STK32B: variants seen among roughly 807,000 people sequenced by gnomAD.
STK32B encodes the protein serine/threonine kinase 32B, also known as serine/threonine-protein kinase 32B.
Under a neutral mutation model 52.6 loss-of-function variants are expected in STK32B, and 43 were observed. The ratio of observed to expected loss-of-function variants is 0.82; its 90% CI spans 0.64 to 1.05. The LOEUF (loss-of-function observed/expected upper bound fraction) is 1.05, where lower values mean the gene tolerates loss of function less well. Ranked by LOEUF, STK32B falls within the 50% of genes least tolerant of loss-of-function variation. The probability of loss-of-function intolerance (pLI) is 0.00; values close to 1 mark genes in which losing one functional copy is unlikely to be tolerated. For missense variants in STK32B, 621 were observed against 534.6 expected (o/e 1.16, Z -1.59); for synonymous variants, 238 against 204.3 (o/e 1.17, Z -1.41).
At chr4:5,130,168 C>T (rs889460379) in intron 1 of STK32B, among the ~76,000 whole-genome samples, 37 of 143,774 alleles carry the variant, frequency 2.6e-4, no homozygotes, top group African/African-American at 8.2e-4. Context: ...TCACCTTCTC[C>T]GGCGGGGGGA....
At chr4:5,385,559 C>G (rs1200985895) in intron 4 of STK32B, among the ~76,000 whole-genome samples, 5 of 151,948 alleles carry the variant, frequency 3.3e-5, no homozygotes, top group African/African-American at 1.2e-4. Context: ...CATGCTCCGG[C>G]AAGATTACTA....
chr4:5,287,126 G>A (rs376337925), intron 3 of STK32B, among the ~76,000 whole-genome samples: 38 of 152,136 alleles, frequency 2.5e-4, no homozygotes, highest in African/African-American at 8.9e-4. Flanking sequence ...TATATTCTAA[G>A]GAGTGAAATT....
At chr4:5,471,156 T>A (rs1213956137) in intron 11 of STK32B, among the ~76,000 whole-genome samples, 1 of 152,222 alleles carries the variant, frequency 6.6e-6, no homozygotes, top group Non-Finnish European at 1.5e-5. Context: ...TGAGGGCCTG[T>A]TAGCATCTAG....
At chr4:5,390,156 G>A (rs1309325287) in intron 4 of STK32B, among the ~76,000 whole-genome samples, 1 of 152,220 alleles carries the variant, frequency 6.6e-6, no homozygotes, top group Non-Finnish European at 1.5e-5. Context: ...TGTAGTGGTT[G>A]TTACTGCAGT....
intron 9 of STK32B, among the ~76,000 whole-genome samples, chr4:5,465,439 C>T (rs563192849): frequency 9.2e-5 from 14 of 152,082 alleles, no homozygotes; most frequent in Admixed American, 2.6e-4. Context: ...TGGCTGGCAT[C>T]AAGCAGATTA....
chr4:5,193,204 G>C (rs1721369925), intron 3 of STK32B, among the ~76,000 whole-genome samples: 1 of 152,114 alleles, frequency 6.6e-6, no homozygotes, highest in Non-Finnish European at 1.5e-5. Context: ...TGACCCTTAA[G>C]AGCATGTTGG....
At chr4:5,416,350 A>G (rs2109070539) in intron 5 of STK32B, among the ~76,000 whole-genome samples, 1 of 152,126 alleles carries the variant, frequency 6.6e-6, no homozygotes, top group South Asian at 2.1e-4. Context: ...TTCATCCTGG[A>G]TGGAAGGTGG....
chr4:5,024,049 C>T, the STK32B span, among the ~76,000 whole-genome samples: 2 of 152,132 alleles, frequency 1.3e-5, no homozygotes, highest in African/African-American at 2.4e-5. Context: ...ATCTGGAGCT[C>T]AGGAATGGTT....
intron 5 of STK32B, among the ~76,000 whole-genome samples, chr4:5,402,184 G>A (rs1577449375): frequency 1.3e-5 from 2 of 152,372 alleles, no homozygotes; most frequent in Middle Eastern, 6.8e-3. Context: ...CCTAGAGTCA[G>A]AGAGACTAGA....
intron 3 of STK32B, among the ~76,000 whole-genome samples, chr4:5,252,540 G>T (rs930690864): frequency 2.6e-5 from 4 of 152,160 alleles, no homozygotes; most frequent in African/African-American, 9.7e-5. Context: ...CTTTATTTCT[G>T]TGTCCTCCTC....
intron 3 of STK32B, among the ~76,000 whole-genome samples, chr4:5,328,837 GTA>G (rs1732042559): frequency 6.6e-6 from 1 of 152,124 alleles, no homozygotes; most frequent in Admixed American, 6.5e-5. Flanking sequence ...CAGCGAGGCT[GTA>G]TTACTTACAT....
At chr4:5,106,512 T>G (rs1714116964) in intron 1 of STK32B, among the ~76,000 whole-genome samples, 1 of 152,200 alleles carries the variant, frequency 6.6e-6, no homozygotes, top group Non-Finnish European at 1.5e-5. Flanking sequence ...TTGGAATAGA[T>G]TTTTGCAGAG....
At chr4:5,112,796 TG>T (rs1714476955) in intron 1 of STK32B, among the ~76,000 whole-genome samples, 1 of 152,148 alleles carries the variant, frequency 6.6e-6, no homozygotes, top group Non-Finnish European at 1.5e-5. Flanking sequence ...CACAAAGAGC[TG>T]GTGAAGAACA....
In STK32B at chr4:5,290,074, A is replaced by G. The variant is rs563734297; in HGVS notation, c.261-41146A>G. Among the ~76,000 whole-genome samples, 40 of 152,168 alleles carry G rather than the reference A, an allele frequency of 2.6e-4. No individual in the cohort carries two copies. In the East Asian group the frequency reaches 7.4e-3, roughly 28 times the overall value. On this transcript the variant is annotated intron_variant, in intron 3 of 11. Transcript: ENST00000282908. Reference sequence around the variant, plus strand: ...TCCCTTCTTTGTGTTCATAGGTACTATTTATTTAGCTCCCACTTACAAGTG... The same window carrying G: ...TCCCTTCTTTGTGTTCATAGGTACTGTTTATTTAGCTCCCACTTACAAGTG...
intron 4 of STK32B, among the ~76,000 whole-genome samples, chr4:5,340,881 A>G (rs1455327222): frequency 6.6e-6 from 1 of 152,238 alleles, no homozygotes; most frequent in Admixed American, 6.5e-5. Flanking sequence ...ATGCACATAT[A>G]CAAATATCTC....
chr4:5,043,100 G>A, the STK32B span, among the ~76,000 whole-genome samples: 575 of 124,778 alleles, frequency 4.6e-3, 4 homozygotes, highest in African/African-American at 0.017. Flanking sequence ...GCGACAGAGC[G>A]AGACTCCGTC....
At chr4:5,036,078 G>A in the STK32B span, among the ~76,000 whole-genome samples, 3 of 151,668 alleles carry the variant, frequency 2.0e-5, no homozygotes, top group East Asian at 1.9e-4. Flanking sequence ...CATCGTGCCT[G>A]GCTAAAAAAA....
rs868010559 is a variant in STK32B, at chr4:5,361,360, G to A, written c.434+29967G>A. Among the ~76,000 whole-genome samples, 11 of 152,294 alleles carry A rather than the reference G, an allele frequency of 7.2e-5. No homozygotes were observed. In the South Asian group the frequency reaches 8.3e-4, roughly 11 times the overall value. Reference sequence around the variant, plus strand: ...ACAAGTGGAATTGCTGGATCATATAGTAATTCTATTTTAATTTTCTATTTT... The same window carrying A: ...ACAAGTGGAATTGCTGGATCATATAATAATTCTATTTTAATTTTCTATTTT... On this transcript the variant is annotated intron_variant, in intron 4 of 11. Transcript: ENST00000282908.
chr4:5,438,647 A>AT (rs1332842074), intron 6 of STK32B, among the ~76,000 whole-genome samples: 1 of 152,144 alleles, frequency 6.6e-6, no homozygotes, highest in Admixed American at 6.5e-5. Flanking sequence ...ACATGTGCAC[A>AT]TTGTGCAGGT....
Sources: allele counts gnomAD v4.1 joint callset (sites outside exome capture counted in the v4.1 genomes callset), GRCh38; gene constraint gnomAD v4.1.1; transcripts MANE v1.5; gene names NCBI Gene and HGNC (gene_info 2026-07-23, HGNC 2026-07-21).